The following TENM2 variants were observed in gnomAD, a reference collection of about 807,000 sequenced individuals.
The protein encoded by TENM2 is teneurin transmembrane protein 2.
A neutral mutation model predicts 245.2 loss-of-function variants in TENM2; 52 were observed. That is an observed-to-expected ratio of 0.21 (90% CI 0.17 to 0.27). TENM2 has a LOEUF of 0.27. Among genes scored for constraint, TENM2 ranks in the 10% least tolerant of loss-of-function variants. The pLI is 1.00. For missense variants in TENM2, 3,046 were observed against 3,666.8 expected (o/e 0.83, Z 4.37); for synonymous variants, 1,363 against 1,438.9 (o/e 0.95, Z 1.19).
chr5:168,149,546 C>T (rs1756455504), intron 12 of TENM2: 3 of 454,264 alleles, frequency 6.6e-6, no homozygotes, highest in African/African-American at 2.0e-5. Flanking sequence ...AGCGGTGCCA[C>T]ATAGAGTCAC....
At chr5:167,492,748 G>A (rs1474892334) in intron 2 of TENM2, among the ~76,000 whole-genome samples, 3 of 152,068 alleles carry the variant, frequency 2.0e-5, no homozygotes, top group Non-Finnish European at 4.4e-5. Flanking sequence ...GTGACATGGT[G>A]GTGGCCAATG....
intron 25 of TENM2, among the ~76,000 whole-genome samples, chr5:168,238,543 C>T (rs1449218834): frequency 2.0e-5 from 3 of 152,290 alleles, no homozygotes; most frequent in South Asian, 2.1e-4. Context: ...GTTACAATTC[C>T]GTTTCCTGGA....
chr5:167,798,854 T>C (rs1765502095), intron 2 of TENM2, among the ~76,000 whole-genome samples: 1 of 152,208 alleles, frequency 6.6e-6, no homozygotes, highest in Admixed American at 6.5e-5. Context: ...TTTTTATCTT[T>C]ACAGTCAGAA....
chr5:167,586,442 G>T (rs1241542856), intron 2 of TENM2, among the ~76,000 whole-genome samples: 5 of 152,140 alleles, frequency 3.3e-5, no homozygotes, highest in Non-Finnish European at 7.3e-5. Flanking sequence ...CATGTTAAAT[G>T]ATTTCAATGT....
At chr5:167,468,521 A>G (rs1766811776) in intron 2 of TENM2, among the ~76,000 whole-genome samples, 1 of 152,326 alleles carries the variant, frequency 6.6e-6, no homozygotes, top group Middle Eastern at 3.4e-3. Flanking sequence ...TATATTTTTG[A>G]TAGCAAGAAT....
intron 6 of TENM2, among the ~76,000 whole-genome samples, chr5:168,049,764 C>G (rs1253104327): frequency 6.6e-6 from 1 of 152,158 alleles, no homozygotes; most frequent in African/African-American, 2.4e-5. Context: ...CAGATATTTT[C>G]CAAATAAGTT....
At chr5:167,063,795 A>T in the TENM2 span, among the ~76,000 whole-genome samples, 15 of 152,254 alleles carry the variant, frequency 9.9e-5, no homozygotes, top group African/African-American at 3.4e-4. Flanking sequence ...CCTGATAATG[A>T]AATCAGTTCT....
intron 1 of TENM2, among the ~76,000 whole-genome samples, chr5:167,349,021 G>A (rs1479665829): frequency 6.6e-6 from 1 of 152,118 alleles, no homozygotes; most frequent in Non-Finnish European, 1.5e-5. Context: ...GCTATATTGA[G>A]GTATAGTTTA....
intron 12 of TENM2, among the ~76,000 whole-genome samples, chr5:168,148,235 G>A (rs1756285006): frequency 6.6e-6 from 1 of 152,178 alleles, no homozygotes; most frequent in Non-Finnish European, 1.5e-5. Context: ...TATTTGAAAG[G>A]AGGGATTTTT....
the TENM2 span, among the ~76,000 whole-genome samples, chr5:167,180,192 G>A: frequency 2.1e-5 from 3 of 142,798 alleles, no homozygotes; most frequent in Admixed American, 7.3e-5. Context: ...TCACCACAAC[G>A]TCCGCCTCCC....
intron 2 of TENM2, among the ~76,000 whole-genome samples, chr5:167,538,431 T>C (rs1354132115): frequency 6.6e-6 from 1 of 152,222 alleles, no homozygotes; most frequent in Non-Finnish European, 1.5e-5. Context: ...TGACTGGTGA[T>C]GTCTTGATTG....
chr5:167,282,538 A>G (rs1771120991), upstream of TENM2, among the ~76,000 whole-genome samples: 1 of 152,238 alleles, frequency 6.6e-6, no homozygotes, highest in African/African-American at 2.4e-5. Context: ...ACCACCATGT[A>G]TATTTTAATT....
intron 2 of TENM2, among the ~76,000 whole-genome samples, chr5:167,548,121 T>G (rs1041086853): frequency 6.6e-5 from 10 of 152,152 alleles, no homozygotes; most frequent in Admixed American, 5.9e-4. Flanking sequence ...ACTAGAATAA[T>G]TTTACCCACC....
chr5:167,380,282 A>G (rs937799747), intron 2 of TENM2, among the ~76,000 whole-genome samples: 6 of 152,170 alleles, frequency 3.9e-5, no homozygotes, highest in African/African-American at 1.4e-4. Context: ...GCTGATAATA[A>G]CATACAACCA....
At chr5:167,072,461 G>C in the TENM2 span, among the ~76,000 whole-genome samples, 1 of 152,146 alleles carries the variant, frequency 6.6e-6, no homozygotes, top group Admixed American at 6.6e-5. Context: ...TCAGTCATTA[G>C]GAGATGAGCC....
At position 167,686,244 on chromosome 5, in the gene TENM2, G is replaced by T. The variant is rs1225595105; in HGVS notation, c.503-189742G>T. Among the ~76,000 whole-genome samples, 10 of 152,288 alleles carry T rather than the reference G, an allele frequency of 6.6e-5. No individual in the cohort carries two copies. The South Asian group carries it at 2.1e-3, about 32-fold the overall frequency. On this transcript the variant is annotated intron_variant, in intron 2 of 28. Transcript: ENST00000518659. Reference sequence around the variant, plus strand: ...AATGCTTAAAGCAATGCAGATTCATGCTTAATGACCAAAAAGACCATTTGT... The same window carrying T: ...AATGCTTAAAGCAATGCAGATTCATTCTTAATGACCAAAAAGACCATTTGT...
At chr5:167,602,650 A>G (rs978085012) in intron 2 of TENM2, among the ~76,000 whole-genome samples, 1 of 152,198 alleles carries the variant, frequency 6.6e-6, no homozygotes, top group East Asian at 1.9e-4. Flanking sequence ...AAATCCATCT[A>G]TTCTTTCAAT....
At chr5:167,412,316 T>C (rs1762951081) in intron 2 of TENM2, among the ~76,000 whole-genome samples, 1 of 151,934 alleles carries the variant, frequency 6.6e-6, no homozygotes, top group Non-Finnish European at 1.5e-5. Context: ...GAGAGGGACT[T>C]GTTAGATATG....
intron 1 of TENM2, among the ~76,000 whole-genome samples, chr5:167,330,757 A>G (rs1757413506): frequency 1.3e-5 from 2 of 152,184 alleles, no homozygotes; most frequent in Non-Finnish European, 2.9e-5. Flanking sequence ...TATTTGCTAT[A>G]GCATTTGAGG....
Sources: gnomAD v4.1 joint callset for allele counts (sites outside exome capture counted in the v4.1 genomes callset) on GRCh38, gnomAD v4.1.1 for gene constraint, MANE v1.5 for transcripts, NCBI Gene and HGNC (gene_info 2026-07-23, HGNC 2026-07-21) for gene names.